The following FETUB variants were observed in gnomAD, a reference collection of about 807,000 sequenced individuals.
FETUB encodes the protein fetuin B.
A neutral mutation model predicts 30.9 loss-of-function variants in FETUB; 28 were observed. The observed-to-expected ratio is 0.90, with a 90% CI of 0.67 to 1.24. The LOEUF (loss-of-function observed/expected upper bound fraction) is 1.24. Among genes scored for constraint, FETUB ranks in the 50% most tolerant of loss-of-function variants. The probability of loss-of-function intolerance (pLI) is 0.00; values close to 1 mark genes in which losing one functional copy is unlikely to be tolerated. For synonymous variants in FETUB, 186 were observed against 175.9 expected, an observed-to-expected ratio of 1.06 and a Z score of -0.45; for missense variants, 469 against 455.3, an observed-to-expected ratio of 1.03 and a Z score of -0.27.
chr3:186,652,181 G>C (rs1718099355), intron 6 of FETUB, 82 bp from the exon 7 acceptor site: 1 of 1,445,214 alleles, frequency 6.9e-7, no homozygotes. Context: ...CCAACAGAAA[G>C]GCACAGATCA....
chr3:186,652,409 C>A lies in FETUB; in HGVS notation c.927C>A (p.Asp309Glu), dbSNP rs1718130675. Reference sequence around the variant, plus strand: ...GAGGATCTGTCCAATATCTTCCTGACTTGGATGATAAAAATTCCCAGGAAA... The same window carrying A: ...GAGGATCTGTCCAATATCTTCCTGAATTGGATGATAAAAATTCCCAGGAAA... Reference protein sequence around the residue: ...GPRGSVQYLPDLDDKNSQEKG... With the variant: ...GPRGSVQYLPELDDKNSQEKG... Residue 309 changes from aspartate to glutamate, a missense_variant, in exon 7 of 7, where the codon GAC becomes GAA. By Grantham distance (45) the Asp-to-Glu change is conservative. Coordinates refer to ENST00000265029, the MANE Select transcript of FETUB (RefSeq NM_014375.3). 1.2e-6 allele frequency: 2 copies of A among 1,613,742 alleles called. No individual in the cohort carries two copies. Among genetic ancestry groups the A allele is most frequent in the Middle Eastern group, 3.3e-4 (2 of 6,082 alleles).
At position 186,652,692 on chromosome 3, in the gene FETUB, A is replaced by G; in HGVS notation, c.*61A>G. The G allele has an allele frequency of 1.3e-6, 2 of 1,525,600 alleles. No individual in the cohort carries two copies. The highest frequency in any genetic ancestry group is 2.1e-5 in the Admixed American group (1 of 47,992). The allele number at this position is 1,525,600 out of a possible 1,614,324, so 94.5% of individuals were successfully genotyped here. ...CCGCATGACATGGGAGGCGATGGGG[A>G]CGATGGACAGAGACAGAGCGTGCAC... On this transcript the variant is annotated 3_prime_UTR_variant, in exon 7 of 7. Transcript: ENST00000265029.
chr3:186,646,712 A>G (rs962963646), intron 5 of FETUB, among the ~76,000 whole-genome samples: 4 of 152,230 alleles, frequency 2.6e-5, no homozygotes, highest in Admixed American at 6.5e-5. Context: ...AGAGGCATCC[A>G]AGAGGGAAAG....
At chr3:186,648,971 G>A (rs1717771013) in intron 5 of FETUB, among the ~76,000 whole-genome samples, 1 of 152,140 alleles carries the variant, frequency 6.6e-6, no homozygotes, top group Non-Finnish European at 1.5e-5. Flanking sequence ...TTTTAAATCT[G>A]GATGCCACAT....
chr3:186,642,538 A>G lies in FETUB; in HGVS notation c.404A>G (p.Tyr135Cys), dbSNP rs780961033. ...NPSRVLYLAA[Y>C]NCTLRPVSKK... ...AGTAGAGTTCTCTATTTAGCTGCTT[A>G]TAACTGTACTCTTCGCCCAGGTAAG... Residue 135 changes from tyrosine to cysteine, a missense_variant, in exon 3 of 7, where the codon TAT becomes TGT. By Grantham distance (194) the Tyr-to-Cys change is radical. Coordinates refer to ENST00000265029, the MANE Select transcript of FETUB (RefSeq NM_014375.3). 3 of 1,601,770 alleles carry G rather than the reference A, an allele frequency of 1.9e-6. No homozygotes were observed. The highest frequency in any genetic ancestry group is 2.2e-5 in the South Asian group (2 of 90,304).
Position 186,644,851 on chromosome 3 carries a change from T to A in FETUB, c.525T>A (p.Leu175=), listed in dbSNP as rs757085308. The A allele has an allele frequency of 1.9e-6, 3 of 1,613,884 alleles. No homozygotes were observed. The highest frequency in any genetic ancestry group is 2.5e-6 in the Non-Finnish European group (3 of 1,179,980). ...HQVLEAATES[L]AKYNNENTSK... ...TGCTGGAGGCTGCCACCGAGTCTCTTGCGAAATACAACAATGAGAACACAT... is the reference window on the plus strand; with the variant it reads ...TGCTGGAGGCTGCCACCGAGTCTCTAGCGAAATACAACAATGAGAACACAT... Residue 175 remains leucine, a synonymous_variant, in exon 4 of 7, where the codon CTT becomes CTA. Transcript: ENST00000265029.
At chr3:186,645,961 G>A (rs371834263) in intron 4 of FETUB, among the ~76,000 whole-genome samples, 22 of 150,360 alleles carry the variant, frequency 1.5e-4, no homozygotes, top group African/African-American at 4.9e-4. Context: ...TCCTGACCTC[G>A]TGATCCGCCC....
upstream of FETUB, among the ~76,000 whole-genome samples, chr3:186,638,620 C>A (rs1716845226): frequency 6.6e-6 from 1 of 152,188 alleles, no homozygotes; most frequent in African/African-American, 2.4e-5. Context: ...AACCCAGGTG[C>A]ATAAGTGGTG....
At position 186,652,656 on chromosome 3, in the gene FETUB, G is replaced by A. The variant is rs1718163072; in HGVS notation, c.*25G>A. The A allele has an allele frequency of 6.4e-7, 1 of 1,570,538 alleles. No homozygotes were observed. The highest frequency in any genetic ancestry group is 1.4e-5 in the African/African-American group (1 of 73,382). The stretch of plus-strand genomic sequence containing the variant: ...AGAATCACACAGAGTCTTCTGTAGG[G>A]GTATGGTGCGCCGCATGACATGGGA... On this transcript the variant is annotated 3_prime_UTR_variant, in exon 7 of 7. Coordinates refer to ENST00000265029, the MANE Select transcript of FETUB (RefSeq NM_014375.3).
At chr3:186,638,807 G>A (rs757107090), upstream of FETUB, among the ~76,000 whole-genome samples, 96 of 152,150 alleles carry the variant, frequency 6.3e-4, no homozygotes, top group Middle Eastern at 6.8e-3. Context: ...CTTTCTGTAC[G>A]TTGCTCAAGC....
At chr3:186,642,580 G>A in intron 3 of FETUB, 22 bp downstream of exon 3, 1 of 1,431,166 alleles carries the variant, frequency 7.0e-7, no homozygotes, top group African/African-American at 1.4e-5. Context: ...CTACGATTTT[G>A]TTAGTTTTAA....
rs557774543 is a variant in FETUB, at chr3:186,649,285, C to T, written c.697-1933C>T. On this transcript the variant is annotated intron_variant, in intron 5 of 6. Transcript: ENST00000265029. ...GAATTTCTAGTCTTTTTTTCATATG[C>T]TCTGGAGCTGAGTGACAAAGTAATA... Among the ~76,000 whole-genome samples the T allele has an allele frequency of 4.4e-4, 67 of 152,174 alleles. 1 individual carries two copies. The South Asian group carries it at 0.013, about 30-fold the overall frequency.
At position 186,646,321 on chromosome 3, in the gene FETUB, G is replaced by A; in HGVS notation, c.668G>A (p.Ser223Asn). The stretch of plus-strand genomic sequence containing the variant: ...CCATGTACTAAATCCCAGGCCAGCA[G>A]CTGTTCACTTCAGTCCTCCGACTCT... ...ESPCTKSQASSCSLQSSDSVP... is the reference protein window; with the variant it reads ...ESPCTKSQASNCSLQSSDSVP... The change falls in exon 5 of 7, where the codon AGC (serine) becomes AAC (asparagine). Residue 223 changes from serine to asparagine, a missense_variant. By Grantham distance (46) the Ser-to-Asn change is conservative (BLOSUM62 1). Coordinates refer to ENST00000265029, the MANE Select transcript of FETUB (RefSeq NM_014375.3). 1 of 1,613,920 alleles carries A rather than the reference G, an allele frequency of 6.2e-7. No homozygotes were observed.
chr3:186,639,674 A>AG (rs397877661), upstream of FETUB, among the ~76,000 whole-genome samples: 1,068 of 150,264 alleles, frequency 7.1e-3, 11 homozygotes, highest in African/African-American at 0.025. Context: ...AAAAAAAAAA[A>AG]GAAGGCAAGA....
chr3:186,640,996 G>A, intron 1 of FETUB, 34 bp from the exon 2 acceptor site: 1 of 1,378,094 alleles, frequency 7.3e-7, no homozygotes, highest in Non-Finnish European at 1.0e-6. Context: ...TACTTCCTGT[G>A]AAATGTATTG....
intron 6 of FETUB, chr3:186,651,507 C>T (rs541995561): frequency 3.7e-6 from 2 of 540,848 alleles, no homozygotes; most frequent in Non-Finnish European, 6.6e-6. Context: ...GCAGAATAAG[C>T]AAGACAAATT....
In FETUB at chr3:186,641,031, G is replaced by A. The variant is rs765038127; in HGVS notation, c.227G>A (p.Gly76Asp). ...RVNDAQEYRR[G>D]GLGSLFYLTL... The stretch of plus-strand genomic sequence containing the variant: ...GCATTTCTCTACCCCTTCCCACAGG[G>A]TGGCCTGGGATCTCTGTTCTATCTT... The change falls in exon 2 of 7, where the codon GGT (glycine) becomes GAT (aspartate). Residue 76 changes from glycine to aspartate, a missense_variant and splice_region_variant. Physicochemically the swap from Gly to Asp is moderately conservative, Grantham distance 94 (BLOSUM62 -1). Transcript: ENST00000265029. The A allele has an allele frequency of 1.8e-5, 29 of 1,606,824 alleles. No homozygotes were observed. Among genetic ancestry groups the A allele is most frequent in the Non-Finnish European group, 2.4e-5 (28 of 1,173,656 alleles).
upstream of FETUB, among the ~76,000 whole-genome samples, chr3:186,637,811 C>T (rs1315936883): frequency 6.6e-6 from 1 of 152,240 alleles, no homozygotes; most frequent in Non-Finnish European, 1.5e-5. Context: ...TGCTAAGCAC[C>T]TTTGCATACT....
chr3:186,643,925 A>G (rs1180613658), intron 3 of FETUB, among the ~76,000 whole-genome samples: 3 of 152,216 alleles, frequency 2.0e-5, no homozygotes, highest in Non-Finnish European at 4.4e-5. Flanking sequence ...TCAGTCACAC[A>G]GTGACTTGAC....
Sources: allele counts gnomAD v4.1 joint callset (sites outside exome capture counted in the v4.1 genomes callset), GRCh38; gene constraint gnomAD v4.1.1; transcripts MANE v1.5; gene names NCBI Gene and HGNC (gene_info 2026-07-23, HGNC 2026-07-21).